Variants in STK32B observed in about 807,000 individuals in gnomAD.
The protein encoded by STK32B is serine/threonine-protein kinase 32B.
In STK32B, 43 loss-of-function variants were observed where a neutral mutation model predicts 52.6. The ratio of observed to expected loss-of-function variants is 0.82; its 90% CI spans 0.64 to 1.05. The LOEUF (loss-of-function observed/expected upper bound fraction) is 1.05, where lower values mean the gene tolerates loss of function less well. STK32B is among the 50% of genes least tolerant of loss of function. The probability of loss-of-function intolerance (pLI) is 0.00; values close to 1 mark genes in which losing one functional copy is unlikely to be tolerated. For missense variants in STK32B, 621 were observed against 534.6 expected (o/e 1.16, Z -1.59); for synonymous variants, 238 against 204.3 (o/e 1.17, Z -1.41).
chr4:5,151,721 C>A (rs1160139301), intron 2 of STK32B, among the ~76,000 whole-genome samples: 1 of 152,114 alleles, frequency 6.6e-6, no homozygotes. Context: ...CAGGCTGATG[C>A]TAATATATGT....
intron 3 of STK32B, among the ~76,000 whole-genome samples, chr4:5,230,787 C>T (rs1024358840): frequency 1.3e-5 from 2 of 152,122 alleles, no homozygotes; most frequent in Non-Finnish European, 2.9e-5. Context: ...TAGCTGCTAC[C>T]GTTACAGAGG....
At chr4:5,276,848 G>GT (rs924342700) in intron 3 of STK32B, among the ~76,000 whole-genome samples, 100 of 152,114 alleles carry the variant, frequency 6.6e-4, no homozygotes, top group Non-Finnish European at 1.2e-3. Flanking sequence ...CCCAGCCCTT[G>GT]TTTTTTGCCT....
intron 4 of STK32B, among the ~76,000 whole-genome samples, chr4:5,381,597 A>G (rs939614466): frequency 1.3e-5 from 2 of 152,204 alleles, no homozygotes; most frequent in South Asian, 2.1e-4. Context: ...CCACCATCCT[A>G]TATGGGACTC....
the STK32B span, among the ~76,000 whole-genome samples, chr4:5,043,181 A>C: frequency 6.6e-6 from 1 of 151,202 alleles, no homozygotes; most frequent in African/African-American, 2.4e-5. Flanking sequence ...GTCTTCACTC[A>C]GATACCAGGA....
At chr4:5,122,111 C>T (rs1042798968) in intron 1 of STK32B, among the ~76,000 whole-genome samples, 1 of 151,662 alleles carries the variant, frequency 6.6e-6, no homozygotes, top group Non-Finnish European at 1.5e-5. Flanking sequence ...CATTCACTTA[C>T]TCACCCATTC....
At chr4:5,152,310 G>A (rs1026240635) in intron 2 of STK32B, among the ~76,000 whole-genome samples, 4 of 152,208 alleles carry the variant, frequency 2.6e-5, no homozygotes, top group African/African-American at 9.6e-5. Flanking sequence ...CTAAAATTTT[G>A]CAGATGCAGG....
rs1427279153 is a variant in STK32B, at chr4:5,159,531, ATG to A, written c.109-8766_109-8765del. On this transcript the variant is annotated intron_variant, in intron 2 of 11. Transcript: ENST00000282908. The stretch of plus-strand genomic sequence containing the variant: ...ATATATATATGAATATATGATATAT[ATG>A]TATATATGTATATATATGAATATAT... Among the ~76,000 whole-genome samples, 6 of 121,834 alleles carry A rather than the reference ATG, an allele frequency of 4.9e-5. No individual in the cohort carries two copies. The East Asian group carries it at 1.2e-3, about 25-fold the overall frequency. The allele number at this position is 121,834 out of a possible 152,430, so 79.9% of individuals were successfully genotyped here.
chr4:5,079,928 C>G (rs1212005115), intron 1 of STK32B, among the ~76,000 whole-genome samples: 1 of 152,078 alleles, frequency 6.6e-6, no homozygotes. Flanking sequence ...CTCACAAAAG[C>G]AGACAGTAGG....
rs180818215 is a variant in STK32B at position 5,289,097 on chromosome 4, T to A, written c.261-42123T>A. Among the ~76,000 whole-genome samples, 170 of 152,294 alleles carry A rather than the reference T, an allele frequency of 1.1e-3. 1 individual carries two copies. Among genetic ancestry groups the A allele is most frequent in the African/African-American group, 3.8e-3 (160 of 41,560 alleles). ...TATCACAGAGTATACTTGCACAAAT[T>A]TTGATGATATAGGGTACTACATACC... On this transcript the variant is annotated intron_variant, in intron 3 of 11. Coordinates refer to ENST00000282908, the MANE Select transcript of STK32B (RefSeq NM_018401.3).
At chr4:5,246,972 G>A (rs72613188) in intron 3 of STK32B, among the ~76,000 whole-genome samples, 12,261 of 152,128 alleles carry the variant, frequency 0.081, 727 homozygotes, top group African/African-American at 0.17. Context: ...ATAAGGTGCC[G>A]GTCCGCCCCT....
intron 1 of STK32B, among the ~76,000 whole-genome samples, chr4:5,085,916 G>T (rs1394001872): frequency 6.6e-6 from 1 of 152,148 alleles, no homozygotes; most frequent in African/African-American, 2.4e-5. Flanking sequence ...TAATTACTCG[G>T]TATGTTTGTT....
At chr4:5,247,308 A>C (rs1212303863) in intron 3 of STK32B, among the ~76,000 whole-genome samples, 2 of 152,148 alleles carry the variant, frequency 1.3e-5, no homozygotes, top group South Asian at 2.1e-4. Flanking sequence ...GCTGCCTTGC[A>C]GTTAGATCTC....
chr4:5,378,951 T>C lies in STK32B; in HGVS notation c.435-19256T>C, dbSNP rs1735755492. Among the ~76,000 whole-genome samples, 1 of 152,148 alleles carries C rather than the reference T, an allele frequency of 6.6e-6. No homozygotes were observed. Among genetic ancestry groups the C allele is most frequent in the Non-Finnish European group, 1.5e-5 (1 of 68,022 alleles). ...CCTCTGTGAGACCCCAGGAGATGGC[T>C]GACAAAAAGCTCTGTGGAGAGAGGT... On this transcript the variant is annotated intron_variant, in intron 4 of 11. Transcript: ENST00000282908. This position sits in a 1 kb window ranked among gnomAD's most constrained non-coding sequence, Gnocchi z 4.4.
intron 4 of STK32B, among the ~76,000 whole-genome samples, chr4:5,362,931 C>T (rs1734642710): frequency 6.6e-6 from 1 of 152,190 alleles, no homozygotes; most frequent in African/African-American, 2.4e-5. Context: ...TTCCCAAAAA[C>T]TTTGTTGTGT....
intron 5 of STK32B, among the ~76,000 whole-genome samples, chr4:5,408,195 C>T (rs942962151): frequency 6.6e-6 from 1 of 152,112 alleles, no homozygotes; most frequent in African/African-American, 2.4e-5. Context: ...GTACTTAGGA[C>T]TAATCCTTCT....
chr4:5,403,275 C>A (rs1737433653), intron 5 of STK32B, among the ~76,000 whole-genome samples: 1 of 152,170 alleles, frequency 6.6e-6, no homozygotes, highest in South Asian at 2.1e-4. Context: ...TCCTCACTTC[C>A]TCTAATTCCC....
rs546229264 is a variant in STK32B, at chr4:5,393,929, A to ATTCCC, written c.435-4274_435-4270dup. ...CCTCTTGCATGCATATGGATAGCATATTCCCTTCACTAGTTGTAAAATAGC... is the reference window on the plus strand; with the variant it reads ...CCTCTTGCATGCATATGGATAGCATATTCCCTTCCCTTCACTAGTTGTAAAATAGC... On this transcript the variant is annotated intron_variant, in intron 4 of 11. Coordinates refer to ENST00000282908, the MANE Select transcript of STK32B (RefSeq NM_018401.3). 5.3e-5 allele frequency among the ~76,000 whole-genome samples: 8 copies of ATTCCC among 152,246 alleles called. No homozygotes were observed. In the South Asian group the frequency reaches 1.7e-3, roughly 32 times the overall value.
intron 4 of STK32B, among the ~76,000 whole-genome samples, chr4:5,375,615 C>T (rs1008251779): frequency 2.0e-5 from 3 of 152,138 alleles, no homozygotes; most frequent in African/African-American, 7.2e-5. Context: ...ATATCTTCTC[C>T]TACCTCTCTG....
At chr4:5,282,382 C>T (rs1452082736) in intron 3 of STK32B, among the ~76,000 whole-genome samples, 2 of 152,112 alleles carry the variant, frequency 1.3e-5, no homozygotes, top group Non-Finnish European at 2.9e-5. Context: ...TCTGTGGATA[C>T]AGAGGGCCTA....
Sources: allele counts gnomAD v4.1 joint callset (sites outside exome capture counted in the v4.1 genomes callset), GRCh38; gene constraint gnomAD v4.1.1; non-coding constraint Gnocchi (gnomAD v3.1); transcripts MANE v1.5; gene names NCBI Gene and HGNC (gene_info 2026-07-23, HGNC 2026-07-21).